ROR1: variants seen among roughly 807,000 people sequenced by gnomAD.
The protein encoded by ROR1 is ROR family WNT receptor 1.
A neutral mutation model predicts 78.8 loss-of-function variants in ROR1; 19 were observed. That is an observed-to-expected ratio of 0.24 (90% CI 0.17 to 0.35). The LOEUF (loss-of-function observed/expected upper bound fraction) is 0.35, where lower values mean the gene tolerates loss of function less well. ROR1 is among the 10% of genes least tolerant of loss of function. The probability of loss-of-function intolerance (pLI) is 1.00; values close to 1 mark genes in which losing one functional copy is unlikely to be tolerated. For missense variants in ROR1, 917 were observed against 1,177.8 expected, an observed-to-expected ratio of 0.78 and a Z score of 3.24; for synonymous variants, 386 against 433.6, an observed-to-expected ratio of 0.89 and a Z score of 1.36.
At chr1:63,935,823 A>G (rs970492336) in intron 1 of ROR1, among the ~76,000 whole-genome samples, 2 of 152,220 alleles carry the variant, frequency 1.3e-5, no homozygotes, top group African/African-American at 4.8e-5. Context: ...TCTGTCTAGC[A>G]CATTAGATAA....
chr1:63,833,990 C>CTTTTT (rs71056008), intron 1 of ROR1, among the ~76,000 whole-genome samples: 85 of 131,990 alleles, frequency 6.4e-4, no homozygotes, highest in East Asian at 3.6e-3. Flanking sequence ...TCTTCTTCTT[C>CTTTTT]TTTTTTTTTT....
intron 1 of ROR1, among the ~76,000 whole-genome samples, chr1:63,947,925 T>C (rs1645903510): frequency 6.6e-6 from 1 of 152,180 alleles, no homozygotes; most frequent in African/African-American, 2.4e-5. Flanking sequence ...ATTATGTTGC[T>C]AATAGTTGCT....
At chr1:63,834,574 T>C (rs777039660) in intron 1 of ROR1, among the ~76,000 whole-genome samples, 5 of 152,240 alleles carry the variant, frequency 3.3e-5, no homozygotes, top group Admixed American at 6.5e-5. Context: ...TATCTCTTTT[T>C]GTTTCTATGA....
intron 1 of ROR1, among the ~76,000 whole-genome samples, chr1:63,872,767 T>C (rs1178440020): frequency 2.0e-5 from 3 of 152,174 alleles, no homozygotes; most frequent in Non-Finnish European, 2.9e-5. Flanking sequence ...CAAATACAAA[T>C]GGTTTTTGGA....
In ROR1 at chr1:64,118,524, G is replaced by C. The variant is rs943468141; in HGVS notation, c.483-18845G>C. 4.6e-5 allele frequency among the ~76,000 whole-genome samples: 7 copies of C among 151,476 alleles called. 1 individual carries two copies. In the East Asian group the frequency reaches 1.4e-3, roughly 30 times the overall value. On this transcript the variant is annotated intron_variant, in intron 4 of 8. Transcript: ENST00000371079. ...TGCCTGTAATCCCAGCTACTCCGGA[G>C]GCTGAGTCAGGAGAATTGCTTGAAC...
chr1:64,136,058 A>G (rs1183692141), intron 4 of ROR1, among the ~76,000 whole-genome samples: 2 of 152,200 alleles, frequency 1.3e-5, no homozygotes, highest in African/African-American at 2.4e-5. Flanking sequence ...TTAGTAAATA[A>G]CTGTCTTTTA....
At chr1:63,958,428 T>A (rs1446743429) in intron 1 of ROR1, among the ~76,000 whole-genome samples, 1 of 152,178 alleles carries the variant, frequency 6.6e-6, no homozygotes, top group Non-Finnish European at 1.5e-5. Context: ...CAGTTAAATT[T>A]TCAATTCCCC....
intron 1 of ROR1, among the ~76,000 whole-genome samples, chr1:63,929,865 A>G (rs1159195806): frequency 2.0e-5 from 3 of 152,164 alleles, no homozygotes; most frequent in Non-Finnish European, 4.4e-5. Flanking sequence ...TGGGTAACTC[A>G]TGCTAGAATT....
At chr1:64,027,448 A>T (rs150759237) in intron 2 of ROR1, among the ~76,000 whole-genome samples, 7 of 152,294 alleles carry the variant, frequency 4.6e-5, no homozygotes, top group African/African-American at 9.6e-5. Flanking sequence ...ACTTTTAATC[A>T]ATGGCAATTA....
intron 4 of ROR1, among the ~76,000 whole-genome samples, chr1:64,132,690 G>T (rs1196173014): frequency 1.3e-5 from 2 of 148,834 alleles, no homozygotes; most frequent in African/African-American, 4.9e-5. Flanking sequence ...AACCCAGGAG[G>T]TGGAGGTTTC....
At chr1:63,938,589 G>A (rs531407290) in intron 1 of ROR1, among the ~76,000 whole-genome samples, 8 of 152,058 alleles carry the variant, frequency 5.3e-5, no homozygotes, top group Non-Finnish European at 5.9e-5. Context: ...AATACTGATC[G>A]GATTGCTGTT....
chr1:64,166,269 G>GC (rs1193075720), intron 8 of ROR1, among the ~76,000 whole-genome samples: 4 of 152,268 alleles, frequency 2.6e-5, no homozygotes, highest in African/African-American at 9.6e-5. Context: ...GGTTACTGTA[G>GC]CCCTGTAGTA....
chr1:64,158,259 G>C (rs1322615739), intron 7 of ROR1, among the ~76,000 whole-genome samples: 3 of 152,144 alleles, frequency 2.0e-5, no homozygotes, highest in Admixed American at 2.0e-4. Flanking sequence ...AAGAATTCTG[G>C]GGTTTCAATA....
At chr1:63,808,862 A>G (rs1221512337) in intron 1 of ROR1, among the ~76,000 whole-genome samples, 2 of 151,786 alleles carry the variant, frequency 1.3e-5, no homozygotes, top group African/African-American at 4.8e-5. Context: ...TTTAAAGAAT[A>G]TAAGCCACCT....
At chr1:64,001,817 C>T (rs548925823) in intron 1 of ROR1, among the ~76,000 whole-genome samples, 1 of 152,266 alleles carries the variant, frequency 6.6e-6, no homozygotes, top group African/African-American at 2.4e-5. Context: ...AACTGCAGGC[C>T]CCAGTCCACA....
At chr1:63,829,680 A>G (rs1644974592) in intron 1 of ROR1, among the ~76,000 whole-genome samples, 1 of 152,204 alleles carries the variant, frequency 6.6e-6, no homozygotes, top group South Asian at 2.1e-4. Context: ...GTGGGGACAG[A>G]TAAGTGGATA....
intron 4 of ROR1, among the ~76,000 whole-genome samples, chr1:64,097,051 A>T (rs552297544): frequency 3.9e-5 from 6 of 152,226 alleles, no homozygotes; most frequent in African/African-American, 1.4e-4. Flanking sequence ...TGCTAAATTA[A>T]TTTTTTAATG....
chr1:63,984,530 C>T (rs1020434009), intron 1 of ROR1, among the ~76,000 whole-genome samples: 3 of 152,112 alleles, frequency 2.0e-5, no homozygotes, highest in African/African-American at 7.2e-5. Flanking sequence ...AGATACTAGT[C>T]CTGTAAATGT....
chr1:63,843,183 G>T, intron 1 of ROR1: 1 of 1,291,028 alleles, frequency 7.7e-7, no homozygotes, highest in South Asian at 1.2e-5. Flanking sequence ...CAGGTGGCCA[G>T]AACCGGCTCA....
Sources: gnomAD v4.1 joint callset for allele counts (sites outside exome capture counted in the v4.1 genomes callset) on GRCh38, gnomAD v4.1.1 for gene constraint, MANE v1.5 for transcripts, NCBI Gene and HGNC (gene_info 2026-07-23, HGNC 2026-07-21) for gene names.